Variants in MAP3K7CL observed in about 807,000 individuals in gnomAD.
The protein encoded by MAP3K7CL is MAP3K7 C-terminal like, also known as MAP3K7 C-terminal-like protein.
MAP3K7CL carries 16 observed loss-of-function variants against 18.6 expected under a neutral mutation model. The ratio of observed to expected loss-of-function variants is 0.86; its 90% CI spans 0.58 to 1.31. The LOEUF is 1.31. MAP3K7CL is among the 50% of genes most tolerant of loss of function. The pLI is 0.00. For missense variants in MAP3K7CL, 163 were observed against 174.4 expected, an observed-to-expected ratio of 0.93 and a Z score of 0.37; for synonymous variants, 65 against 66.8, an observed-to-expected ratio of 0.97 and a Z score of 0.13.
intron 4 of MAP3K7CL, among the ~76,000 whole-genome samples, chr21:29,112,590 T>A (rs2086437460): frequency 1.3e-5 from 2 of 152,120 alleles, no homozygotes; most frequent in Admixed American, 1.3e-4. Context: ...TTGGTAGGTT[T>A]GATCAAGTTC....
chr21:29,120,868 C>G (rs2086581109), intron 4 of MAP3K7CL, among the ~76,000 whole-genome samples: 1 of 151,684 alleles, frequency 6.6e-6, no homozygotes, highest in Non-Finnish European at 1.5e-5. Flanking sequence ...GAGTTCGAGA[C>G]CAGCCTGGGC....
intron 4 of MAP3K7CL, among the ~76,000 whole-genome samples, chr21:29,119,902 T>C (rs1364549451): frequency 6.6e-6 from 1 of 152,104 alleles, no homozygotes; most frequent in African/African-American, 2.4e-5. Context: ...TGACCTTAGG[T>C]AATCCATCCA....
intron 2 of MAP3K7CL, among the ~76,000 whole-genome samples, chr21:29,143,301 G>C (rs1277987747): frequency 6.6e-6 from 1 of 152,162 alleles, no homozygotes; most frequent in Admixed American, 6.5e-5. Flanking sequence ...AACAAATTCA[G>C]TGGATCCTGG....
At chr21:29,119,963 C>G (rs1023860447) in intron 4 of MAP3K7CL, among the ~76,000 whole-genome samples, 8 of 152,102 alleles carry the variant, frequency 5.3e-5, no homozygotes, top group East Asian at 1.9e-4. Context: ...CCATGCCTGG[C>G]CTTTAATCTT....
intron 2 of MAP3K7CL, among the ~76,000 whole-genome samples, chr21:29,140,717 G>T (rs1386377824): frequency 6.6e-6 from 1 of 152,150 alleles, no homozygotes; most frequent in South Asian, 2.1e-4. Context: ...AGAAAAGAAG[G>T]GGTAAATTTT....
At chr21:29,099,855 G>T (rs998474925) in intron 4 of MAP3K7CL, among the ~76,000 whole-genome samples, 1 of 151,762 alleles carries the variant, frequency 6.6e-6, no homozygotes, top group African/African-American at 2.4e-5. Flanking sequence ...AGGCCGAGGC[G>T]GGCGGATCAC....
At chr21:29,154,994 T>A (rs1379273630) in intron 3 of MAP3K7CL, among the ~76,000 whole-genome samples, 1 of 152,242 alleles carries the variant, frequency 6.6e-6, no homozygotes, top group African/African-American at 2.4e-5. Flanking sequence ...TCAACAGAAA[T>A]GACTTAAATA....
At chr21:29,130,507 TG>T (rs1483142357), upstream of MAP3K7CL, 29 of 732,574 alleles carry the variant, frequency 4.0e-5, no homozygotes, top group Non-Finnish European at 4.2e-5. Flanking sequence ...ATTCCTGTCT[TG>T]TGAAGCAAGT....
At chr21:29,087,883 G>A (rs1317920329) in intron 1 of MAP3K7CL, among the ~76,000 whole-genome samples, 3 of 151,986 alleles carry the variant, frequency 2.0e-5, no homozygotes, top group Middle Eastern at 3.2e-3. Context: ...GTGAGCCACC[G>A]CGCCCGGTCG....
At chr21:29,110,452 A>C (rs532220954) in intron 4 of MAP3K7CL, among the ~76,000 whole-genome samples, 1 of 151,928 alleles carries the variant, frequency 6.6e-6, no homozygotes, top group East Asian at 1.9e-4. Context: ...GCTGCAGTAC[A>C]GTGGCGTGAT....
At chr21:29,088,502 A>G (rs1003461393) in intron 1 of MAP3K7CL, among the ~76,000 whole-genome samples, 7 of 152,256 alleles carry the variant, frequency 4.6e-5, no homozygotes, top group African/African-American at 1.7e-4. Flanking sequence ...TACACACTGC[A>G]AAGTTTAATT....
chr21:29,089,480 AT>A (rs1411688875), intron 1 of MAP3K7CL, among the ~76,000 whole-genome samples: 1 of 152,208 alleles, frequency 6.6e-6, no homozygotes, highest in Admixed American at 6.5e-5. Flanking sequence ...TGAGAAAAAG[AT>A]TTCTCGTTCC....
intron 4 of MAP3K7CL, among the ~76,000 whole-genome samples, chr21:29,119,633 G>C (rs1294872779): frequency 4.7e-5 from 7 of 149,818 alleles, no homozygotes; most frequent in Non-Finnish European, 8.9e-5. Context: ...TGGGATATAA[G>C]AATTTTGTTG....
intron 2 of MAP3K7CL, among the ~76,000 whole-genome samples, chr21:29,143,922 A>G (rs1450501352): frequency 1.3e-5 from 2 of 152,194 alleles, no homozygotes; most frequent in Non-Finnish European, 2.9e-5. Context: ...AAAGAAGGGT[A>G]CGACAGTGAG....
intron 4 of MAP3K7CL, among the ~76,000 whole-genome samples, chr21:29,098,127 A>G (rs907098925): frequency 2.0e-5 from 3 of 152,230 alleles, no homozygotes; most frequent in African/African-American, 7.2e-5. Context: ...GACAATAACC[A>G]TCTAGGACAT....
chr21:29,102,168 C>A (rs908592017), intron 4 of MAP3K7CL, among the ~76,000 whole-genome samples: 4 of 152,244 alleles, frequency 2.6e-5, no homozygotes, highest in African/African-American at 9.6e-5. Context: ...CAAAGATTAT[C>A]TCCTTCTTTA....
intron 4 of MAP3K7CL, among the ~76,000 whole-genome samples, chr21:29,112,287 ACT>A (rs528224222): frequency 7.9e-5 from 12 of 152,000 alleles, no homozygotes; most frequent in Non-Finnish European, 1.6e-4. Context: ...ACAGAGCAAG[ACT>A]CTGTCTCAAA....
At chr21:29,120,198 G>A (rs2086569128) in intron 4 of MAP3K7CL, among the ~76,000 whole-genome samples, 1 of 148,948 alleles carries the variant, frequency 6.7e-6, no homozygotes, top group Admixed American at 6.7e-5. Flanking sequence ...TTTTTTTTGA[G>A]ACAGAGTCCT....
chr21:29,160,287 A>C (rs971425049), intron 4 of MAP3K7CL, among the ~76,000 whole-genome samples: 2 of 152,216 alleles, frequency 1.3e-5, no homozygotes, highest in South Asian at 4.1e-4. Flanking sequence ...TTAGTTCATG[A>C]AATTAAAAAT....
Sources: gnomAD v4.1 joint callset for allele counts (sites outside exome capture counted in the v4.1 genomes callset) on GRCh38, gnomAD v4.1.1 for gene constraint, MANE v1.5 for transcripts, NCBI Gene and HGNC (gene_info 2026-07-23, HGNC 2026-07-21) for gene names.